The following GRID2 variants were observed in gnomAD, a reference collection of about 807,000 sequenced individuals.
GRID2 encodes the protein glutamate receptor ionotropic, delta-2.
Under a neutral mutation model 114.8 loss-of-function variants are expected in GRID2, and 33 were observed. That is an observed-to-expected ratio of 0.29 (90% CI 0.22 to 0.38). GRID2 has a LOEUF of 0.38. Among genes scored for constraint, GRID2 ranks in the 10% least tolerant of loss-of-function variants. The pLI, the probability that GRID2 is intolerant of heterozygous loss-of-function variation, is 1.00. For synonymous variants in GRID2, 505 were observed against 449.9 expected (o/e 1.12, Z -1.55); for missense variants, 1,184 against 1,257.7 (o/e 0.94, Z 0.89).
intron 1 of GRID2, among the ~76,000 whole-genome samples, chr4:93,784,661 CA>C (rs1734555978): frequency 6.6e-6 from 1 of 151,436 alleles, no homozygotes; most frequent in African/African-American, 2.4e-5. Flanking sequence ...CACACACACA[CA>C]CACACACACA....
chr4:93,129,828 C>G (rs944700149), intron 4 of GRID2, among the ~76,000 whole-genome samples: 1 of 151,990 alleles, frequency 6.6e-6, no homozygotes, highest in Non-Finnish European at 1.5e-5. Flanking sequence ...TTAGAACTTA[C>G]AACAAATTTG....
chr4:93,252,691 A>G (rs901632815), intron 8 of GRID2, among the ~76,000 whole-genome samples: 7 of 152,128 alleles, frequency 4.6e-5, no homozygotes, highest in Non-Finnish European at 8.8e-5. Flanking sequence ...CATTCTTTCT[A>G]TCCATGAGCA....
At chr4:92,569,077 T>A (rs780512114) in intron 1 of GRID2, among the ~76,000 whole-genome samples, 6 of 151,922 alleles carry the variant, frequency 3.9e-5, no homozygotes, top group Non-Finnish European at 8.8e-5. Flanking sequence ...ATCACCCAGG[T>A]GTTAAGCCAA....
intron 2 of GRID2, among the ~76,000 whole-genome samples, chr4:92,816,140 A>T (rs1350439387): frequency 6.6e-6 from 1 of 151,044 alleles, no homozygotes; most frequent in East Asian, 2.0e-4. Context: ...ACATGGTGAA[A>T]CCCCATCTCT....
intron 11 of GRID2, among the ~76,000 whole-genome samples, chr4:93,484,922 T>C (rs1409562584): frequency 6.6e-6 from 1 of 151,908 alleles, no homozygotes; most frequent in Non-Finnish European, 1.5e-5. Context: ...GGTATGTACA[T>C]TCATCTAGTG....
At chr4:92,423,102 C>A (rs1056029800) in intron 1 of GRID2, among the ~76,000 whole-genome samples, 1 of 151,972 alleles carries the variant, frequency 6.6e-6, no homozygotes. Context: ...TAGATTCTAG[C>A]GAGCCAACGC....
At chr4:93,035,629 G>C (rs1355765429) in intron 2 of GRID2, among the ~76,000 whole-genome samples, 1 of 152,074 alleles carries the variant, frequency 6.6e-6, no homozygotes, top group Admixed American at 6.6e-5. Flanking sequence ...CTCAAGTACT[G>C]GATTGACAAG....
chr4:92,696,026 A>G (rs925830400), intron 2 of GRID2, among the ~76,000 whole-genome samples: 1 of 152,170 alleles, frequency 6.6e-6, no homozygotes, highest in African/African-American at 2.4e-5. Flanking sequence ...TCACTAAATA[A>G]TACTGTTTTT....
chr4:92,494,319 A>G (rs1004878287), intron 1 of GRID2, among the ~76,000 whole-genome samples: 3 of 151,942 alleles, frequency 2.0e-5, no homozygotes, highest in Non-Finnish European at 4.4e-5. Flanking sequence ...AAATTACTAA[A>G]AAATTTTCAG....
At chr4:93,708,421 C>A (rs572225177) in intron 14 of GRID2, among the ~76,000 whole-genome samples, 136 of 152,106 alleles carry the variant, frequency 8.9e-4, no homozygotes, top group African/African-American at 3.3e-3. Context: ...TGTATAATGA[C>A]CTTCTTTATC....
chr4:92,803,542 G>C lies in GRID2; in HGVS notation c.244+213256G>C, dbSNP rs187321396. Among the ~76,000 whole-genome samples, 701 of 151,984 alleles carry C rather than the reference G, an allele frequency of 4.6e-3. 9 individuals carry two copies. Among genetic ancestry groups the C allele is most frequent in the African/African-American group, 0.016 (662 of 41,494 alleles). On this transcript the variant is annotated intron_variant, in intron 2 of 15. Transcript: ENST00000282020. Reference sequence around the variant, plus strand: ...GTCATTATAAAAAAATGTATTTCTAGAAATTCAGGTACCCCATCAACCAAT... The same window carrying C: ...GTCATTATAAAAAAATGTATTTCTACAAATTCAGGTACCCCATCAACCAAT...
At chr4:93,502,990 G>A (rs998502858) in intron 12 of GRID2, among the ~76,000 whole-genome samples, 3 of 151,998 alleles carry the variant, frequency 2.0e-5, no homozygotes, top group African/African-American at 7.2e-5. Context: ...AACAGTTCGG[G>A]CATTTATAAT....
At chr4:92,368,651 T>C (rs2110214043) in intron 1 of GRID2, among the ~76,000 whole-genome samples, 1 of 152,218 alleles carries the variant, frequency 6.6e-6, no homozygotes, top group Admixed American at 6.5e-5. Flanking sequence ...AAGGGCATTA[T>C]GTGAGAGATT....
intron 2 of GRID2, among the ~76,000 whole-genome samples, chr4:92,652,551 A>C (rs1731994877): frequency 6.6e-6 from 1 of 151,584 alleles, no homozygotes; most frequent in Non-Finnish European, 1.5e-5. Context: ...GCATGGTGAC[A>C]CATGCCTGTA....
At chr4:93,226,704 G>A (rs1745529927) in intron 7 of GRID2, among the ~76,000 whole-genome samples, 1 of 152,004 alleles carries the variant, frequency 6.6e-6, no homozygotes, top group East Asian at 1.9e-4. Flanking sequence ...ACTCTTTGTG[G>A]CAAGTCCAAA....
intron 8 of GRID2, among the ~76,000 whole-genome samples, chr4:93,247,300 G>T (rs911297845): frequency 2.6e-5 from 4 of 152,118 alleles, no homozygotes; most frequent in African/African-American, 9.7e-5. Flanking sequence ...ATTATTTCTG[G>T]ATCTGTCTAT....
At chr4:92,608,698 A>G (rs1240870753) in intron 2 of GRID2, among the ~76,000 whole-genome samples, 1 of 151,788 alleles carries the variant, frequency 6.6e-6, no homozygotes, top group Non-Finnish European at 1.5e-5. Flanking sequence ...AATATCATGT[A>G]CTGTGGTTCC....
At chr4:92,647,003 G>A (rs1182145514) in intron 2 of GRID2, among the ~76,000 whole-genome samples, 3 of 152,084 alleles carry the variant, frequency 2.0e-5, no homozygotes, top group Non-Finnish European at 4.4e-5. Context: ...TTCGGTAGTA[G>A]CAGTACAACT....
At chr4:93,513,816 G>A (rs1477724700) in intron 12 of GRID2, among the ~76,000 whole-genome samples, 1 of 152,140 alleles carries the variant, frequency 6.6e-6, no homozygotes, top group Non-Finnish European at 1.5e-5. Context: ...GGCCCATAAT[G>A]TATTGTTTCC....
Sources: gnomAD v4.1 joint callset for allele counts (sites outside exome capture counted in the v4.1 genomes callset) on GRCh38, gnomAD v4.1.1 for gene constraint, MANE v1.5 for transcripts, NCBI Gene and HGNC (gene_info 2026-07-23, HGNC 2026-07-21) for gene names.